The following NUBPL variants were observed in gnomAD, a reference collection of about 807,000 sequenced individuals.
NUBPL encodes NUBP iron-sulfur cluster assembly factor, mitochondrial.
Under a neutral mutation model 45.7 loss-of-function variants are expected in NUBPL, and 31 were observed. The observed-to-expected ratio is 0.68, with a 90% CI of 0.51 to 0.92. The LOEUF (loss-of-function observed/expected upper bound fraction) is 0.92. Among genes scored for constraint, NUBPL ranks in the 40% least tolerant of loss-of-function variants. The probability of loss-of-function intolerance (pLI) is 0.00; values close to 1 mark genes in which losing one functional copy is unlikely to be tolerated. For missense variants in NUBPL, 401 were observed against 398.7 expected (o/e 1.01, Z -0.05); for synonymous variants, 144 against 140.9 (o/e 1.02, Z -0.15).
intron 7 of NUBPL, among the ~76,000 whole-genome samples, chr14:31,808,388 G>C (rs1236139585): frequency 6.6e-6 from 1 of 152,118 alleles, no homozygotes; most frequent in Non-Finnish European, 1.5e-5. Context: ...TGTAGCAATT[G>C]TGAATGGGAT....
At chr14:31,810,423 G>C (rs1018389896) in intron 7 of NUBPL, among the ~76,000 whole-genome samples, 1 of 152,134 alleles carries the variant, frequency 6.6e-6, no homozygotes, top group African/African-American at 2.4e-5. Flanking sequence ...TGTTTTATCA[G>C]AGTCTAGGAT....
At chr14:31,844,397 A>G (rs1355060492) in intron 8 of NUBPL, 1 of 152,232 alleles carries the variant, frequency 6.6e-6, no homozygotes, top group Non-Finnish European at 1.5e-5. Context: ...AGTGTATTAT[A>G]TAGGCATAGT....
intron 4 of NUBPL, among the ~76,000 whole-genome samples, chr14:31,605,547 T>G (rs775567659): frequency 5.3e-5 from 8 of 152,226 alleles, no homozygotes; most frequent in Non-Finnish European, 1.0e-4. Context: ...GGCACAGTTT[T>G]CTGCTCTATT....
At chr14:31,630,214 G>A (rs2139659189) in intron 4 of NUBPL, among the ~76,000 whole-genome samples, 1 of 152,230 alleles carries the variant, frequency 6.6e-6, no homozygotes, top group South Asian at 2.1e-4. Flanking sequence ...CATTAGAGAT[G>A]GAGAGAATTG....
chr14:31,626,673 T>C (rs2035215612), intron 4 of NUBPL, among the ~76,000 whole-genome samples: 1 of 152,264 alleles, frequency 6.6e-6, no homozygotes. Context: ...TAATATCTAA[T>C]CCCAGGTTTG....
At chr14:31,805,649 T>C (rs1186501471) in intron 7 of NUBPL, among the ~76,000 whole-genome samples, 2 of 151,974 alleles carry the variant, frequency 1.3e-5, no homozygotes, top group Non-Finnish European at 1.5e-5. Flanking sequence ...CTTAACTACC[T>C]AATGCAGGAA....
At chr14:31,584,901 T>G (rs921609063) in intron 3 of NUBPL, among the ~76,000 whole-genome samples, 6 of 152,152 alleles carry the variant, frequency 3.9e-5, no homozygotes, top group Non-Finnish European at 5.9e-5. Context: ...GTGAGAGAGC[T>G]CTTTGGGGTC....
chr14:31,820,679 C>G (rs1193730962), intron 7 of NUBPL, among the ~76,000 whole-genome samples: 1 of 151,616 alleles, frequency 6.6e-6, no homozygotes. Context: ...CAAAAATTAG[C>G]TGGGCATGGT....
At chr14:31,678,548 C>T (rs1027519264) in intron 6 of NUBPL, among the ~76,000 whole-genome samples, 1 of 152,112 alleles carries the variant, frequency 6.6e-6, no homozygotes, top group Non-Finnish European at 1.5e-5. Context: ...TTCAAGGTAT[C>T]GGGTTACCTT....
At chr14:31,730,620 T>C (rs935718717) in intron 6 of NUBPL, among the ~76,000 whole-genome samples, 3 of 152,000 alleles carry the variant, frequency 2.0e-5, no homozygotes, top group Non-Finnish European at 4.4e-5. Context: ...CCCACCACTA[T>C]GCCTGACTAA....
At chr14:31,736,764 G>T (rs1255125473) in intron 6 of NUBPL, among the ~76,000 whole-genome samples, 1 of 152,146 alleles carries the variant, frequency 6.6e-6, no homozygotes, top group African/African-American at 2.4e-5. Flanking sequence ...TTTAGTTTTA[G>T]TTGGTTCTGT....
chr14:31,786,459 C>T (rs2039286059), intron 6 of NUBPL, among the ~76,000 whole-genome samples: 1 of 152,166 alleles, frequency 6.6e-6, no homozygotes, highest in Non-Finnish European at 1.5e-5. Context: ...AGTTAGCAAG[C>T]TCTTTTCTGT....
intron 7 of NUBPL, among the ~76,000 whole-genome samples, chr14:31,819,209 A>C (rs182214132): frequency 8.6e-4 from 131 of 152,314 alleles, no homozygotes; most frequent in African/African-American, 3.0e-3. Flanking sequence ...TTAATAGAAA[A>C]TTATATTTGG....
At chr14:31,825,245 C>A (rs2040078210) in intron 7 of NUBPL, among the ~76,000 whole-genome samples, 1 of 152,142 alleles carries the variant, frequency 6.6e-6, no homozygotes, top group Non-Finnish European at 1.5e-5. Context: ...TTTCTGGACA[C>A]TTTTCTCCAT....
chr14:31,764,962 A>G (rs1025997213), intron 6 of NUBPL, among the ~76,000 whole-genome samples: 1 of 152,160 alleles, frequency 6.6e-6, no homozygotes, highest in Non-Finnish European at 1.5e-5. Context: ...TGTATTCCTT[A>G]ATCTTTCTCA....
chr14:31,750,716 T>C (rs2038508150), intron 6 of NUBPL, among the ~76,000 whole-genome samples: 1 of 151,632 alleles, frequency 6.6e-6, no homozygotes, highest in African/African-American at 2.4e-5. Context: ...TGTAGTTGTT[T>C]CCTGTCATGT....
At chr14:31,668,259 A>C (rs2036485847) in intron 4 of NUBPL, among the ~76,000 whole-genome samples, 1 of 152,130 alleles carries the variant, frequency 6.6e-6, no homozygotes, top group South Asian at 2.1e-4. Context: ...TTCCCTGCCC[A>C]GTGAGGAGGA....
intron 3 of NUBPL, among the ~76,000 whole-genome samples, chr14:31,583,333 A>G (rs1488927394): frequency 2.0e-5 from 3 of 152,184 alleles, no homozygotes; most frequent in Non-Finnish European, 4.4e-5. Context: ...ATCACACAGC[A>G]TGTGGTTTTA....
rs182603059 is a variant in NUBPL at position 31,732,042 on chromosome 14, A to G, written c.514-55738A>G. Among the ~76,000 whole-genome samples, 3 of 151,964 alleles carry G rather than the reference A, an allele frequency of 2.0e-5. 1 individual carries two copies. The highest frequency in any genetic ancestry group is 2.0e-4 in the Admixed American group (3 of 15,254). ...ACGGTGAAATCCCGTCTCTACTAAA[A>G]ATACAAAAAAGCCGGGCATGGTGTG... On this transcript the variant is annotated intron_variant, in intron 6 of 10. Transcript: ENST00000281081.
Sources: allele counts gnomAD v4.1 joint callset (sites outside exome capture counted in the v4.1 genomes callset), GRCh38; gene constraint gnomAD v4.1.1; transcripts MANE v1.5; gene names NCBI Gene and HGNC (gene_info 2026-07-23, HGNC 2026-07-21).